The following S100A8 variants were observed in gnomAD, a reference collection of about 807,000 sequenced individuals.
S100A8 encodes S100 calcium binding protein A8.
Under a neutral mutation model 4.2 loss-of-function variants are expected in S100A8, and 1 was observed. The observed-to-expected ratio is 0.24, with a 90% CI of 0.08 to 1.12. S100A8 has a LOEUF of 1.12. S100A8 is among the 50% of genes most tolerant of loss of function. S100A8 has a pLI of 0.53. For synonymous variants in S100A8, 41 were observed against 44.7 expected (o/e 0.92, Z 0.33); for missense variants, 96 against 111.8 (o/e 0.86, Z 0.64).
chr1:153,404,530 G>A, the S100A8 span, among the ~76,000 whole-genome samples: 3 of 152,084 alleles, frequency 2.0e-5, no homozygotes. Context: ...TCAGACGCTC[G>A]GTGTCAGGAA....
chr1:153,422,486 A>G, the S100A8 span: 1 of 982,612 alleles, frequency 1.0e-6, no homozygotes, highest in Non-Finnish European at 1.2e-6. Context: ...CTAAAGAGAA[A>G]GAATACTTGA....
At chr1:153,419,316 C>T in the S100A8 span, 5 of 1,613,112 alleles carry the variant, frequency 3.1e-6, no homozygotes, top group Non-Finnish European at 4.2e-6. Context: ...GTGATCCAGC[C>T]CCACCAAGGG....
At chr1:153,400,612 T>C in the S100A8 span, among the ~76,000 whole-genome samples, 1 of 152,202 alleles carries the variant, frequency 6.6e-6, no homozygotes, top group Non-Finnish European at 1.5e-5. Context: ...GGGTGAGCCT[T>C]CATCTACTCA....
At chr1:153,394,249 AC>A (rs1405945150), upstream of S100A8, among the ~76,000 whole-genome samples, 2 of 151,678 alleles carry the variant, frequency 1.3e-5, no homozygotes, top group Admixed American at 6.6e-5. Context: ...TGGTGAAGAA[AC>A]CCCCAGAAGG....
At chr1:153,406,724 A>G in the S100A8 span, among the ~76,000 whole-genome samples, 2 of 152,124 alleles carry the variant, frequency 1.3e-5, no homozygotes, top group Admixed American at 6.5e-5. Context: ...GAAGATATCA[A>G]CCAGCCAAAT....
At chr1:153,411,196 G>C in the S100A8 span, among the ~76,000 whole-genome samples, 3 of 152,166 alleles carry the variant, frequency 2.0e-5, no homozygotes, top group Non-Finnish European at 2.9e-5. Context: ...AATTGTCCCT[G>C]TTTGCAGATG....
At chr1:153,418,320 G>C in the S100A8 span, 1 of 1,509,266 alleles carries the variant, frequency 6.6e-7, no homozygotes, top group Non-Finnish European at 9.0e-7. Context: ...CTCATCCTCT[G>C]ATTAAAAAGT....
the S100A8 span, among the ~76,000 whole-genome samples, chr1:153,417,729 A>G: frequency 6.6e-6 from 1 of 152,228 alleles, no homozygotes; most frequent in Admixed American, 6.5e-5. Context: ...GGGGTCCGCC[A>G]TGTGCTGGTT....
the S100A8 span, among the ~76,000 whole-genome samples, chr1:153,407,628 C>T: frequency 2.0e-5 from 3 of 152,164 alleles, no homozygotes; most frequent in South Asian, 4.1e-4. Context: ...AGTGGTTCTC[C>T]AAGCACGGAG....
chr1:153,401,240 A>G, the S100A8 span, among the ~76,000 whole-genome samples: 1 of 152,322 alleles, frequency 6.6e-6, no homozygotes, highest in East Asian at 1.9e-4. Flanking sequence ...TAGACATTAA[A>G]TTACTTTTAT....
At chr1:153,399,585 T>C in the S100A8 span, among the ~76,000 whole-genome samples, 19 of 152,126 alleles carry the variant, frequency 1.2e-4, no homozygotes, top group Non-Finnish European at 1.3e-4. Flanking sequence ...GTACCTACAG[T>C]GTGCCAGGCC....
At chr1:153,414,821 T>A in the S100A8 span, among the ~76,000 whole-genome samples, 11,349 of 152,326 alleles carry the variant, frequency 0.075, 585 homozygotes, top group Non-Finnish European at 0.11. Flanking sequence ...CACATGTATA[T>A]GAACACATTG....
At chr1:153,418,235 T>C in the S100A8 span, 1,070 of 1,613,806 alleles carry the variant, frequency 6.6e-4, 5 homozygotes, top group African/African-American at 0.01. Flanking sequence ...TGAGTTGGGG[T>C]CTAGCTTCTC....
upstream of S100A8, chr1:153,391,086 G>A (rs1044411514): frequency 1.4e-5 from 14 of 985,800 alleles, no homozygotes; most frequent in Admixed American, 6.1e-4. Context: ...AGGGCTGAGA[G>A]GCAGCTCCTT....
chr1:153,419,412 C>T, the S100A8 span: 1 of 1,270,586 alleles, frequency 7.9e-7, no homozygotes, highest in East Asian at 2.4e-5. Flanking sequence ...CCTACATTGT[C>T]AAAACTACCA....
At chr1:153,398,948 T>C in the S100A8 span, among the ~76,000 whole-genome samples, 1 of 152,184 alleles carries the variant, frequency 6.6e-6, no homozygotes, top group African/African-American at 2.4e-5. Flanking sequence ...TGGGCCACGA[T>C]TGTGCTGTTG....
At chr1:153,422,023 A>G in the S100A8 span, 2 of 152,206 alleles carry the variant, frequency 1.3e-5, no homozygotes, top group African/African-American at 2.4e-5. Context: ...TTACACACCC[A>G]TGTCATCCCA....
In S100A8 at chr1:153,390,372, C is replaced by T. The variant is rs147024535; in HGVS notation, c.141+23G>A. On this transcript the variant is annotated intron_variant, in intron 2 of 2. Coordinates refer to ENST00000368733, the MANE Select transcript of S100A8 (RefSeq NM_002964.5). ...GCCCCAGGACCAGGCAGAGAGCCCC[C>T]GCCACACCCAGCCCCTCCTCACCCT... 4.7e-4 allele frequency: 751 copies of T among 1,612,982 alleles called. 6 individuals carry two copies. In the African/African-American group the frequency reaches 7.4e-3, roughly 16 times the overall value.
chr1:153,416,469 G>C, the S100A8 span: 13 of 376,368 alleles, frequency 3.5e-5, no homozygotes, highest in South Asian at 7.5e-5. Context: ...CTCCCAACCC[G>C]TGGGAAGAGC....
Sources: allele counts gnomAD v4.1 joint callset (sites outside exome capture counted in the v4.1 genomes callset), GRCh38; gene constraint gnomAD v4.1.1; transcripts MANE v1.5; gene names NCBI Gene and HGNC (gene_info 2026-07-23, HGNC 2026-07-21).